Variants in GEMIN7 observed in about 807,000 individuals in gnomAD.
GEMIN7 encodes the protein gem nuclear organelle associated protein 7.
GEMIN7 carries 7 observed loss-of-function variants against 7.8 expected under a neutral mutation model. That is an observed-to-expected ratio of 0.90 (90% CI 0.51 to 1.69). The LOEUF (loss-of-function observed/expected upper bound fraction) is 1.69. Ranked by LOEUF, GEMIN7 falls within the 40% of genes most tolerant of loss-of-function variation. The probability of loss-of-function intolerance (pLI) is 0.00; values close to 1 mark genes in which losing one functional copy is unlikely to be tolerated. For synonymous variants in GEMIN7, 68 were observed against 72.4 expected, an observed-to-expected ratio of 0.94 and a Z score of 0.31; for missense variants, 159 against 176.2, an observed-to-expected ratio of 0.90 and a Z score of 0.55.
upstream of GEMIN7, chr19:45,076,308 G>C: frequency 7.0e-7 from 1 of 1,433,114 alleles, no homozygotes; most frequent in Non-Finnish European, 9.2e-7. This position sits in a 1 kb window ranked among gnomAD's most constrained non-coding sequence, Gnocchi z 4.9. Flanking sequence ...CCATCTCGTC[G>C]TCTGGGTTGG....
Position 45,090,472 on chromosome 19 carries a change from C to T in GEMIN7, c.358C>T (p.Arg120Ter), listed in dbSNP as rs185824037. The change falls in exon 3 of 3, where the codon CGA becomes TGA. Residue 120 changes from arginine to a stop codon, truncating the protein, a stop_gained. Transcript: ENST00000270257. LOFTEE classifies it high-confidence loss of function. ...AGGTGTGCAAGCAGAGGCGCTGCTCCGATGTAGTGACATTATTTCATATAC... is the reference window on the plus strand; with the variant it reads ...AGGTGTGCAAGCAGAGGCGCTGCTCTGATGTAGTGACATTATTTCATATAC... ...PIGVQAEALL[R>*]CSDIISYTFK... The T allele has an allele frequency of 2.0e-5, 32 of 1,612,820 alleles. No individual in the cohort carries two copies. The highest frequency in any genetic ancestry group is 2.7e-5 in the Non-Finnish European group (32 of 1,179,172).
At chr19:45,081,690 G>C (rs892334131) in intron 2 of GEMIN7, among the ~76,000 whole-genome samples, 1 of 151,862 alleles carries the variant, frequency 6.6e-6, no homozygotes, top group African/African-American at 2.4e-5. Context: ...GCAATGGCAC[G>C]ATCTCCGCTC....
chr19:45,089,130 C>T (rs1187168759), intron 2 of GEMIN7, among the ~76,000 whole-genome samples: 4 of 151,832 alleles, frequency 2.6e-5, no homozygotes, highest in East Asian at 1.9e-4. Flanking sequence ...TTGGTAGAGG[C>T]GGGGTTTCGC....
intron 2 of GEMIN7, among the ~76,000 whole-genome samples, chr19:45,080,327 G>A (rs1478783609): frequency 1.3e-5 from 2 of 151,548 alleles, no homozygotes; most frequent in African/African-American, 4.9e-5. Flanking sequence ...GTGAGGACCA[G>A]AGTTTGCTCC....
Position 45,090,452 on chromosome 19 carries a change from TGCAAGCAGA to T in GEMIN7, c.340_348del (p.Gln114_Glu116del). On this transcript the variant is annotated inframe_deletion, in exon 3 of 3. Transcript: ENST00000270257. ...TCACAGCTGCAGACTCCCATAGGTGTGCAAGCAGAGGCGCTGCTCCGATGTAGTGACATT... is the reference window on the plus strand; with the variant it reads ...TCACAGCTGCAGACTCCCATAGGTGTGGCGCTGCTCCGATGTAGTGACATT... The T allele has an allele frequency of 1.2e-6, 2 of 1,613,838 alleles. No homozygotes were observed. The highest frequency in any genetic ancestry group is 4.5e-5 in the East Asian group (2 of 44,894).
At chr19:45,079,113 G>C (rs998668596), upstream of GEMIN7, 5 of 152,236 alleles carry the variant, frequency 3.3e-5, no homozygotes, top group African/African-American at 1.2e-4. Flanking sequence ...CGCGGGCCAG[G>C]TGGCGACCCG....
In GEMIN7 at chr19:45,090,464, C is replaced by G. The variant is rs200995785; in HGVS notation, c.350C>G (p.Ala117Gly). The stretch of plus-strand genomic sequence containing the variant: ...ACTCCCATAGGTGTGCAAGCAGAGG[C>G]GCTGCTCCGATGTAGTGACATTATT... ...LQTPIGVQAEALLRCSDIISY... is the reference protein window; with the variant it reads ...LQTPIGVQAEGLLRCSDIISY... Residue 117 changes from alanine to glycine, a missense_variant, in exon 3 of 3, where the codon GCG (alanine) becomes GGG (glycine). Transcript: ENST00000270257. 6.2e-7 allele frequency: 1 copy of G among 1,613,522 alleles called. No individual in the cohort carries two copies. Among genetic ancestry groups the G allele is most frequent in the African/African-American group, 1.3e-5 (1 of 74,922 alleles).
At chr19:45,076,049 G>C, upstream of GEMIN7, 1 of 1,575,114 alleles carries the variant, frequency 6.3e-7, no homozygotes, top group Non-Finnish European at 8.6e-7. This position sits in a 1 kb window ranked among gnomAD's most constrained non-coding sequence, Gnocchi z 4.9. Context: ...GGTAAGGGAG[G>C]CTGGGCCCAG....
intron 2 of GEMIN7, among the ~76,000 whole-genome samples, chr19:45,081,423 T>C (rs1967499605): frequency 1.4e-5 from 2 of 147,834 alleles, no homozygotes; most frequent in African/African-American, 2.5e-5. Flanking sequence ...GCCACTGTAC[T>C]CCAGCCTGGG....
At chr19:45,076,520 C>G (rs1170126807), upstream of GEMIN7, 2 of 545,392 alleles carry the variant, frequency 3.7e-6, no homozygotes, top group Non-Finnish European at 5.4e-6. This position sits in a 1 kb window ranked among gnomAD's most constrained non-coding sequence, Gnocchi z 4.9. Flanking sequence ...TGGCCGGGCC[C>G]GTGGCTCCGC....
intron 2 of GEMIN7, chr19:45,088,747 G>A (rs946247181): frequency 2.0e-5 from 3 of 152,108 alleles, no homozygotes; most frequent in African/African-American, 7.2e-5. Context: ...AAAAGGAATA[G>A]CACAGAAGTG....
At chr19:45,086,221 C>T (rs981154311) in intron 2 of GEMIN7, among the ~76,000 whole-genome samples, 5 of 151,944 alleles carry the variant, frequency 3.3e-5, no homozygotes, top group Middle Eastern at 3.4e-3. Flanking sequence ...CGAGGTGGCA[C>T]CACTGCACTC....
In GEMIN7 at chr19:45,090,677, A is replaced by G; in HGVS notation, c.*167A>G. ...CTGAGACCTCCTGGGTCTAGTCAGT[A>G]AAATTCTGCAACTCTAGGAATTCTA... On this transcript the variant is annotated 3_prime_UTR_variant, in exon 3 of 3. Coordinates refer to ENST00000270257, the MANE Select transcript of GEMIN7 (RefSeq NM_024707.3). The G allele has an allele frequency of 1.6e-6, 1 of 620,050 alleles. No homozygotes were observed. The highest frequency in any genetic ancestry group is 2.9e-6 in the Non-Finnish European group (1 of 345,514). 38.4% of individuals were successfully genotyped at this position (620,050 alleles called of 1,614,324 possible).
chr19:45,083,638 T>C (rs1967578646), intron 2 of GEMIN7, among the ~76,000 whole-genome samples: 1 of 144,490 alleles, frequency 6.9e-6, no homozygotes, highest in African/African-American at 2.6e-5. Context: ...GGTCTCACTC[T>C]TCCCAGGCTG....
chr19:45,082,952 AT>A (rs942055806), intron 2 of GEMIN7, among the ~76,000 whole-genome samples: 29 of 152,086 alleles, frequency 1.9e-4, no homozygotes, highest in African/African-American at 7.0e-4. Flanking sequence ...TAAAAATGAT[AT>A]AAAATTCAAA....
intron 2 of GEMIN7, among the ~76,000 whole-genome samples, chr19:45,084,305 G>A (rs940397244): frequency 3.0e-4 from 45 of 151,472 alleles, no homozygotes; most frequent in African/African-American, 1.1e-3. Context: ...GCTGAGGCAA[G>A]AGGATCACTT....
chr19:45,077,004 A>G (rs965169775), upstream of GEMIN7: 2 of 152,158 alleles, frequency 1.3e-5, no homozygotes, highest in African/African-American at 4.8e-5. Context: ...AGTGCCATGG[A>G]GCAAAAGAAA....
chr19:45,076,015 G>C, upstream of GEMIN7: 1 of 1,568,982 alleles, frequency 6.4e-7, no homozygotes, highest in Middle Eastern at 2.3e-4. This position sits in a 1 kb window ranked among gnomAD's most constrained non-coding sequence, Gnocchi z 4.9. Context: ...TGCCCAAAGG[G>C]AAGGGTCCCA....
chr19:45,085,840 G>C, intron 2 of GEMIN7, among the ~76,000 whole-genome samples: 1 of 150,414 alleles, frequency 6.6e-6, no homozygotes, highest in Non-Finnish European at 1.5e-5. Context: ...GCAGCTTCTC[G>C]GGAGACTGAG....
Sources: gnomAD v4.1 joint callset for allele counts (sites outside exome capture counted in the v4.1 genomes callset) on GRCh38, gnomAD v4.1.1 for gene constraint, Gnocchi (gnomAD v3.1) non-coding constraint, MANE v1.5 for transcripts, NCBI Gene and HGNC (gene_info 2026-07-23, HGNC 2026-07-21) for gene names.